The following RASA2 variants were observed in gnomAD, a reference collection of about 807,000 sequenced individuals.
The protein encoded by RASA2 is RAS p21 protein activator 2.
RASA2 carries 155 observed loss-of-function variants against 118.2 expected under a neutral mutation model. The ratio of observed to expected loss-of-function variants is 1.31; its 90% CI spans 1.15 to 1.50. The LOEUF (loss-of-function observed/expected upper bound fraction) is 1.50, where lower values mean the gene tolerates loss of function less well. RASA2 is among the 40% of genes most tolerant of loss of function. RASA2 has a pLI of 0.00. For missense variants in RASA2, 1,016 were observed against 1,009.6 expected, an observed-to-expected ratio of 1.01 and a Z score of -0.09; for synonymous variants, 353 against 349.1, an observed-to-expected ratio of 1.01 and a Z score of -0.12.
chr3:141,520,116 C>T (rs1423849743), intron 3 of RASA2, among the ~76,000 whole-genome samples: 9 of 147,796 alleles, frequency 6.1e-5, no homozygotes, highest in East Asian at 2.0e-4. Context: ...TGGGTTCAAG[C>T]GATTCTCCTG....
chr3:141,535,644 G>C (rs1305565803), intron 4 of RASA2, among the ~76,000 whole-genome samples: 1 of 152,150 alleles, frequency 6.6e-6, no homozygotes, highest in Non-Finnish European at 1.5e-5. Context: ...GAGTGCTTCA[G>C]GAAGCTTACA....
At chr3:141,550,473 G>A (rs2082557967) in intron 5 of RASA2, among the ~76,000 whole-genome samples, 1 of 152,188 alleles carries the variant, frequency 6.6e-6, no homozygotes, top group South Asian at 2.1e-4. Flanking sequence ...CCTGTATTGT[G>A]TCCTAGATCA....
rs188474866 is a variant in RASA2, at chr3:141,599,064, G to A, written c.1934-8614G>A. 2.4e-3 allele frequency among the ~76,000 whole-genome samples: 359 copies of A among 152,068 alleles called. 3 individuals are homozygous for A. The highest frequency in any genetic ancestry group is 8.0e-3 in the African/African-American group (334 of 41,496). Reference sequence around the variant, plus strand: ...GATCGCGCCACTGCACTCCAGCCCCGGCGACAGAGCGAGACTCTGTCTCAA... The same window carrying A: ...GATCGCGCCACTGCACTCCAGCCCCAGCGACAGAGCGAGACTCTGTCTCAA... On this transcript the variant is annotated intron_variant, in intron 19 of 23. Transcript: ENST00000286364.
chr3:141,586,216 A>G, intron 18 of RASA2, 118 bp downstream of exon 18: 1 of 888,064 alleles, frequency 1.1e-6, no homozygotes, highest in Non-Finnish European at 1.6e-6. Flanking sequence ...AGAACTGCCA[A>G]AATTAGCAGT....
At chr3:141,604,139 T>C (rs2083510547) in intron 19 of RASA2, among the ~76,000 whole-genome samples, 1 of 152,146 alleles carries the variant, frequency 6.6e-6, no homozygotes, top group African/African-American at 2.4e-5. Flanking sequence ...TTCTGTTTAA[T>C]TAGGAGGTAA....
At chr3:141,582,496 G>T (rs944904017) in intron 17 of RASA2, among the ~76,000 whole-genome samples, 2 of 152,154 alleles carry the variant, frequency 1.3e-5, no homozygotes, top group Admixed American at 1.3e-4. Context: ...CTGAGGCTAC[G>T]GTAGCATCTG....
intron 4 of RASA2, among the ~76,000 whole-genome samples, chr3:141,534,262 G>A (rs147363736): frequency 4.6e-5 from 7 of 152,304 alleles, no homozygotes; most frequent in East Asian, 1.9e-4. Context: ...ACCAGGCCGG[G>A]TATGGTGGCC....
At chr3:141,517,261 A>T (rs778817656) in intron 3 of RASA2, among the ~76,000 whole-genome samples, 2 of 152,200 alleles carry the variant, frequency 1.3e-5, no homozygotes, top group Non-Finnish European at 2.9e-5. Context: ...TCCTGTCTGT[A>T]TTAGTGACTG....
At position 141,502,099 on chromosome 3, in the gene RASA2, A is replaced by G. The variant is rs550972977; in HGVS notation, c.134-10064A>G. On this transcript the variant is annotated intron_variant, in intron 1 of 23. Transcript: ENST00000286364. ...TTCAGATTTGGGATGCACAACTGGT[A>G]AGTATATATAATGCAACATTTCAAA... Among the ~76,000 whole-genome samples, 29 of 152,290 alleles carry G rather than the reference A, an allele frequency of 1.9e-4. No homozygotes were observed. The South Asian group carries it at 5.2e-3, about 27-fold the overall frequency.
At chr3:141,580,505 C>T (rs1403084406) in intron 16 of RASA2, 54 bp downstream of exon 16, 1 of 1,362,106 alleles carries the variant, frequency 7.3e-7, no homozygotes, top group Non-Finnish European at 1.0e-6. Context: ...TTGTTACATC[C>T]TATGATCCCT....
intron 4 of RASA2, among the ~76,000 whole-genome samples, chr3:141,540,039 AT>A (rs1208385972): frequency 2.0e-5 from 3 of 152,144 alleles, no homozygotes; most frequent in Non-Finnish European, 4.4e-5. Flanking sequence ...CATAGTAGAC[AT>A]TCCATAAATC....
rs1371192068 is a variant in RASA2, at chr3:141,487,107, T to G, written c.24T>G (p.Ala8=). 1.4e-6 allele frequency: 2 copies of G among 1,405,444 alleles called. No homozygotes were observed. Among genetic ancestry groups the G allele is most frequent in the Admixed American group, 5.4e-5 (2 of 36,810 alleles). 87.1% of individuals were successfully genotyped at this position (1,405,444 alleles called of 1,614,324 possible). Residue 8 remains alanine, a synonymous_variant, in exon 1 of 24, where the codon GCT becomes GCG. Coordinates refer to ENST00000286364, the MANE Select transcript of RASA2 (RefSeq NM_006506.5). ...CCATGGCGGCGGCGGCGCCTGCTGC[T>G]GCGGCGGCTTCTTCCGAGGCGCCAG... The part of the protein sequence containing the change: MAAAAPA[A]AAASSEAPAA...
intron 9 of RASA2, among the ~76,000 whole-genome samples, chr3:141,567,716 A>G (rs1204240175): frequency 2.6e-5 from 4 of 152,210 alleles, no homozygotes; most frequent in Non-Finnish European, 5.9e-5. Context: ...GAGGAACAGA[A>G]TAGAGCAGTA....
Position 141,528,408 on chromosome 3 carries a change from CATT to C in RASA2, c.356-1297_356-1295del, listed in dbSNP as rs1014122288. On this transcript the variant is annotated intron_variant, in intron 3 of 23. Coordinates refer to ENST00000286364, the MANE Select transcript of RASA2 (RefSeq NM_006506.5). ...CTTTTCAGTGGTTCAGAAAAAGAAT[CATT>C]ATATACGTTAGAGGGAGAGAAACAT... Among the ~76,000 whole-genome samples, 33 of 151,926 alleles carry C rather than the reference CATT, an allele frequency of 2.2e-4. No homozygotes were observed. In the South Asian group the frequency reaches 2.7e-3, roughly 12 times the overall value.
intron 1 of RASA2, among the ~76,000 whole-genome samples, chr3:141,497,997 G>A (rs1401450975): frequency 6.6e-6 from 1 of 152,126 alleles, no homozygotes; most frequent in African/African-American, 2.4e-5. Flanking sequence ...GTGGTAAAAA[G>A]GGTCTGAAAA....
At chr3:141,603,147 C>T (rs1454770011) in intron 19 of RASA2, among the ~76,000 whole-genome samples, 1 of 152,090 alleles carries the variant, frequency 6.6e-6, no homozygotes, top group Admixed American at 6.5e-5. Flanking sequence ...TAACAATTTG[C>T]CCAGTTTTAT....
intron 19 of RASA2, among the ~76,000 whole-genome samples, chr3:141,607,355 T>C (rs1343564626): frequency 1.3e-5 from 2 of 152,160 alleles, no homozygotes; most frequent in Non-Finnish European, 2.9e-5. Flanking sequence ...CCTCTTTTGC[T>C]GAGTCTATTT....
intron 1 of RASA2, among the ~76,000 whole-genome samples, chr3:141,503,109 T>C (rs1045557303): frequency 6.6e-6 from 1 of 152,132 alleles, no homozygotes; most frequent in African/African-American, 2.4e-5. Context: ...TTTGAGAAAA[T>C]ATTTAACACT....
chr3:141,510,221 C>T (rs1482109606), intron 1 of RASA2, among the ~76,000 whole-genome samples: 1 of 152,122 alleles, frequency 6.6e-6, no homozygotes, highest in Non-Finnish European at 1.5e-5. Flanking sequence ...CATACAGCCA[C>T]TTAGTAGCAG....
Sources: allele counts gnomAD v4.1 joint callset (sites outside exome capture counted in the v4.1 genomes callset), GRCh38; gene constraint gnomAD v4.1.1; transcripts MANE v1.5; gene names NCBI Gene and HGNC (gene_info 2026-07-23, HGNC 2026-07-21).